The following TLE1 variants were observed in gnomAD, a reference collection of about 807,000 sequenced individuals.
TLE1 encodes TLE family member 1, transcriptional corepressor, also known as transducin-like enhancer protein 1.
In TLE1, 21 loss-of-function variants were observed where a neutral mutation model predicts 89.8. The ratio of observed to expected loss-of-function variants is 0.23; its 90% CI spans 0.17 to 0.34. TLE1 has a LOEUF of 0.34. Among genes scored for constraint, TLE1 ranks in the 10% least tolerant of loss-of-function variants. The pLI, the probability that TLE1 is intolerant of heterozygous loss-of-function variation, is 1.00. For missense variants in TLE1, 795 were observed against 1,031.2 expected, an observed-to-expected ratio of 0.77 and a Z score of 3.14; for synonymous variants, 447 against 407.6, an observed-to-expected ratio of 1.10 and a Z score of -1.16.
intron 18 of TLE1, among the ~76,000 whole-genome samples, chr9:81,584,981 T>C (rs1016720925): frequency 6.6e-6 from 1 of 151,516 alleles, no homozygotes; most frequent in Non-Finnish European, 1.5e-5. Flanking sequence ...CATCCATCCA[T>C]CCATCCATCC....
intron 4 of TLE1, among the ~76,000 whole-genome samples, chr9:81,669,597 C>T (rs1171089868): frequency 6.6e-6 from 1 of 151,050 alleles, no homozygotes; most frequent in Non-Finnish European, 1.5e-5. Context: ...TATATGCATG[C>T]TTACACCTCC....
rs536616825 is a variant in TLE1, at chr9:81,670,407, C to T, written c.234+15269G>A. On this transcript the variant is annotated intron_variant, in intron 4 of 19. Transcript: ENST00000376499. ...GTGGGGCAATCTTGGCTCACTGCAA[C>T]CTCCGCCTCCCGGGCTCAAGTGATT... 2.6e-5 allele frequency among the ~76,000 whole-genome samples: 4 copies of T among 152,138 alleles called. No homozygotes were observed. The South Asian group carries it at 8.3e-4, about 32-fold the overall frequency.
intron 14 of TLE1, among the ~76,000 whole-genome samples, chr9:81,605,987 A>C (rs532022394): frequency 6.6e-6 from 1 of 152,378 alleles, no homozygotes; most frequent in South Asian, 2.1e-4. Flanking sequence ...TCTCAAAAGA[A>C]GACATTTATG....
chr9:81,664,861 T>C (rs1015800749), intron 4 of TLE1, among the ~76,000 whole-genome samples: 4 of 152,180 alleles, frequency 2.6e-5, no homozygotes, highest in Admixed American at 2.0e-4. Context: ...TGTTGGAGTC[T>C]AGGCCTGAGA....
At chr9:81,648,137 C>T (rs898918441) in intron 6 of TLE1, among the ~76,000 whole-genome samples, 4 of 151,342 alleles carry the variant, frequency 2.6e-5, no homozygotes, top group Non-Finnish European at 4.4e-5. Flanking sequence ...CTGGGTATGG[C>T]GGTGCATGCC....
Position 81,610,285 on chromosome 9 carries a change from A to C in TLE1, c.1266T>G (p.Asp422Glu). 6.2e-7 allele frequency: 1 copy of C among 1,613,838 alleles called. No individual in the cohort carries two copies. Among genetic ancestry groups the C allele is most frequent in the Non-Finnish European group, 8.5e-7 (1 of 1,179,956 alleles). Residue 422 changes from aspartate to glutamate, a missense_variant, in exon 14 of 20, where the codon GAT becomes GAG. By Grantham distance (45) the Asp-to-Glu change is conservative (BLOSUM62 2). Coordinates refer to ENST00000376499, the MANE Select transcript of TLE1 (RefSeq NM_005077.5). ...AYGRSPMVGF[D>E]PPPHMRVPTI... is the part of the protein sequence containing the mutation. Reference sequence around the variant, plus strand: ...TAGGTACTCTCATGTGAGGGGGAGGATCAAACCCCACCTGGAAACAAAAAT... The same window carrying C: ...TAGGTACTCTCATGTGAGGGGGAGGCTCAAACCCCACCTGGAAACAAAAAT...
chr9:81,590,747 G>T, intron 16 of TLE1, 58 bp downstream of exon 16: 1 of 1,581,898 alleles, frequency 6.3e-7, no homozygotes, highest in Non-Finnish European at 8.6e-7. Context: ...AGAAGCAGAG[G>T]TGATAGGCCC....
At chr9:81,606,825 T>C (rs1831737502) in intron 14 of TLE1, among the ~76,000 whole-genome samples, 2 of 151,514 alleles carry the variant, frequency 1.3e-5, no homozygotes, top group South Asian at 4.2e-4. Context: ...AGTAAGATTG[T>C]ATATAACCCA....
intron 6 of TLE1, among the ~76,000 whole-genome samples, chr9:81,641,589 T>TA (rs1424609679): frequency 1.3e-5 from 2 of 151,970 alleles, no homozygotes; most frequent in Non-Finnish European, 2.9e-5. Context: ...AATTAAAAAA[T>TA]AAGTATCCTA....
At chr9:81,612,972 C>T (rs996187398) in intron 12 of TLE1, among the ~76,000 whole-genome samples, 3 of 152,170 alleles carry the variant, frequency 2.0e-5, no homozygotes, top group South Asian at 4.1e-4. Flanking sequence ...GCAAGAGAAT[C>T]GCTTGAACCC....
intron 4 of TLE1, among the ~76,000 whole-genome samples, chr9:81,669,433 C>T (rs1430898547): frequency 6.6e-6 from 1 of 152,212 alleles, no homozygotes; most frequent in Non-Finnish European, 1.5e-5. Flanking sequence ...AAGCCACAGA[C>T]TAATGCTTAT....
At chr9:81,648,515 ATATG>A (rs1381884253) in intron 6 of TLE1, among the ~76,000 whole-genome samples, 1 of 152,136 alleles carries the variant, frequency 6.6e-6, no homozygotes, top group Non-Finnish European at 1.5e-5. Flanking sequence ...AAAAACAAAT[ATATG>A]TGTGTACAGA....
rs1037953226 is a variant in TLE1, at chr9:81,632,510, C to T, written c.594+838G>A. On this transcript the variant is annotated intron_variant, in intron 8 of 19. Transcript: ENST00000376499. ...TTTTTTTTTTTTACCATATTAAACACAGTCAAAATACTGCTATGTTCAGAA... is the reference window on the plus strand; with the variant it reads ...TTTTTTTTTTTTACCATATTAAACATAGTCAAAATACTGCTATGTTCAGAA... 5.9e-5 allele frequency among the ~76,000 whole-genome samples: 8 copies of T among 135,410 alleles called. No homozygotes were observed. The East Asian group carries it at 9.0e-4, about 15-fold the overall frequency. 88.8% of individuals were successfully genotyped at this position (135,410 alleles called of 152,430 possible).
chr9:81,636,087 G>A (rs935908745), intron 6 of TLE1, among the ~76,000 whole-genome samples: 3 of 152,150 alleles, frequency 2.0e-5, no homozygotes, highest in Non-Finnish European at 4.4e-5. Context: ...CTAATTAGAA[G>A]CAAAATGGAA....
intron 4 of TLE1, among the ~76,000 whole-genome samples, chr9:81,682,315 G>A (rs1371771736): frequency 6.6e-6 from 1 of 151,154 alleles, no homozygotes; most frequent in East Asian, 1.9e-4. Flanking sequence ...CCCAACTCAA[G>A]CTTCAATAGA....
At chr9:81,663,740 C>A (rs966388341) in intron 4 of TLE1, among the ~76,000 whole-genome samples, 2 of 151,682 alleles carry the variant, frequency 1.3e-5, no homozygotes, top group Non-Finnish European at 2.9e-5. Context: ...CTCACGCCTG[C>A]CTCAGCCTCC....
chr9:81,653,300 C>A (rs1289224010), intron 5 of TLE1, among the ~76,000 whole-genome samples: 5 of 152,160 alleles, frequency 3.3e-5, no homozygotes, highest in African/African-American at 1.2e-4. Context: ...TCATCCCGTG[C>A]ACACTTAGAA....
intron 9 of TLE1, among the ~76,000 whole-genome samples, 153 bp downstream of exon 9, chr9:81,620,288 A>G (rs1328944096): frequency 6.6e-6 from 1 of 152,192 alleles, no homozygotes; most frequent in Non-Finnish European, 1.5e-5. Context: ...TTACAGCCCC[A>G]AAGGGAAATA....
chr9:81,589,264 T>C (rs1829089907), intron 16 of TLE1, among the ~76,000 whole-genome samples: 1 of 152,174 alleles, frequency 6.6e-6, no homozygotes, highest in South Asian at 2.1e-4. Context: ...TGAAAACACC[T>C]TCCTCTGCTG....
Sources: gnomAD v4.1 joint callset for allele counts (sites outside exome capture counted in the v4.1 genomes callset) on GRCh38, gnomAD v4.1.1 for gene constraint, MANE v1.5 for transcripts, NCBI Gene and HGNC (gene_info 2026-07-23, HGNC 2026-07-21) for gene names.